NCS1: variants seen among roughly 807,000 people sequenced by gnomAD.
NCS1 encodes the protein frequenin homolog.
NCS1 carries 6 observed loss-of-function variants against 28.4 expected under a neutral mutation model. The observed-to-expected ratio is 0.21, with a 90% CI of 0.12 to 0.42. The LOEUF is 0.42. Ranked by LOEUF, NCS1 falls within the 10% of genes least tolerant of loss-of-function variation. The pLI is 1.00. For synonymous variants in NCS1, 86 were observed against 99.3 expected (o/e 0.87, Z 0.79); for missense variants, 131 against 241.4 (o/e 0.54, Z 3.03).
intron 1 of NCS1, chr9:130,200,732 C>T: frequency 1.4e-6 from 2 of 1,466,642 alleles, no homozygotes; most frequent in South Asian, 2.4e-5. Context: ...AGCACTTGGG[C>T]ACCGGGAAGG....
intron 4 of NCS1, among the ~76,000 whole-genome samples, chr9:130,221,399 T>TAG (rs1286299307): frequency 1.5e-3 from 74 of 49,964 alleles, no homozygotes; most frequent in Non-Finnish European, 2.1e-3. Flanking sequence ...TATATATATA[T>TAG]ATATATATAT....
rs1378527742 is a variant in NCS1, at chr9:130,192,101, G to C, written c.65-8857G>C. On this transcript the variant is annotated intron_variant, in intron 1 of 7. Coordinates refer to ENST00000372398, the MANE Select transcript of NCS1 (RefSeq NM_014286.4). This position sits in a 1 kb window ranked among gnomAD's most constrained non-coding sequence, Gnocchi z 4.8. Reference sequence around the variant, plus strand: ...GGGGCAGCTCAGGCCTGGTGCTGGGGCCCAGCTGCCCTTTAGCCAGGCAGT... The same window carrying C: ...GGGGCAGCTCAGGCCTGGTGCTGGGCCCCAGCTGCCCTTTAGCCAGGCAGT... 6.6e-6 allele frequency among the ~76,000 whole-genome samples: 1 copy of C among 152,158 alleles called. No homozygotes were observed. The highest frequency in any genetic ancestry group is 2.4e-5 in the African/African-American group (1 of 41,440).
At chr9:130,176,168 T>TTCTTTCTC (rs1832564552) in intron 1 of NCS1, among the ~76,000 whole-genome samples, 1 of 67,406 alleles carries the variant, frequency 1.5e-5, no homozygotes, top group African/African-American at 1.2e-4. Context: ...CTTTCTTTCT[T>TTCTTTCTC]TCTTTCTTTC....
At chr9:130,187,138 G>C (rs1458513956) in intron 1 of NCS1, among the ~76,000 whole-genome samples, 1 of 152,162 alleles carries the variant, frequency 6.6e-6, no homozygotes, top group South Asian at 2.1e-4. Context: ...TCGGAAAGCA[G>C]GGGAGCAATG....
chr9:130,213,352 A>G (rs1045884191), intron 2 of NCS1, among the ~76,000 whole-genome samples: 7 of 151,706 alleles, frequency 4.6e-5, no homozygotes, highest in African/African-American at 1.7e-4. Context: ...ATCTCGGCTC[A>G]CTGCAAGCTC....
At chr9:130,214,693 C>CA (rs1319630258) in intron 2 of NCS1, among the ~76,000 whole-genome samples, 1 of 152,168 alleles carries the variant, frequency 6.6e-6, no homozygotes, top group Non-Finnish European at 1.5e-5. Context: ...GAAGAGGGCT[C>CA]AGAGGAGCCT....
chr9:130,200,500 C>G lies in NCS1; in HGVS notation c.65-458C>G, dbSNP rs74428645. The G allele has an allele frequency of 8.5e-4, 1,224 of 1,443,378 alleles. 11 individuals carry two copies. The East Asian group carries it at 0.015, about 18-fold the overall frequency. The allele number at this position is 1,443,378 out of a possible 1,614,324, so 89.4% of individuals were successfully genotyped here. On this transcript the variant is annotated intron_variant, in intron 1 of 7. Transcript: ENST00000372398. ...GTCCACCCTTCTGCTGAGAGCTGCC[C>G]CTTTTCAGCCTAGCTCCCCCCACCC...
At chr9:130,211,105 G>T (rs1437367516) in intron 2 of NCS1, among the ~76,000 whole-genome samples, 12 of 139,992 alleles carry the variant, frequency 8.6e-5, no homozygotes, top group Non-Finnish European at 9.0e-5. Context: ...CTCCTGCTTC[G>T]GCCTCCCAAA....
chr9:130,183,913 C>A (rs1832705942), intron 1 of NCS1, among the ~76,000 whole-genome samples: 1 of 151,602 alleles, frequency 6.6e-6, no homozygotes, highest in African/African-American at 2.4e-5. Context: ...GGGTTCACGC[C>A]ATTCTCTGGC....
intron 2 of NCS1, among the ~76,000 whole-genome samples, chr9:130,205,243 C>T (rs1289649726): frequency 1.3e-5 from 2 of 151,874 alleles, no homozygotes; most frequent in African/African-American, 4.8e-5. Context: ...GAGGGGGACA[C>T]GAGCCTGGCG....
In NCS1 at chr9:130,233,614, T is replaced by G. The variant is rs1313515304; in HGVS notation, c.*642T>G. 2 of 34,768 alleles carry G rather than the reference T, an allele frequency of 5.8e-5. No homozygotes were observed. The highest frequency in any genetic ancestry group is 1.3e-4 in the African/African-American group (2 of 15,374). 2.2% of individuals were successfully genotyped at this position (34,768 alleles called of 1,614,324 possible). On this transcript the variant is annotated 3_prime_UTR_variant, in exon 8 of 8. Transcript: ENST00000372398. The surrounding 1 kb of genome is among the most constrained non-coding windows in gnomAD (Gnocchi z 4.8). The stretch of plus-strand genomic sequence containing the variant: ...TGTGCTTTTTGTGGGGAAAGTGAGG[T>G]TTTTTTTTATATACATATATAATTG...
At position 130,181,259 on chromosome 9, in the gene NCS1, G is replaced by A. The variant is rs1287732327; in HGVS notation, c.64+8532G>A. 1.3e-5 allele frequency among the ~76,000 whole-genome samples: 2 copies of A among 152,266 alleles called. No individual in the cohort carries two copies. The highest frequency in any genetic ancestry group is 2.4e-5 in the African/African-American group (1 of 41,536). ...CGATACCTTAGTTTTCTTATCTGGG[G>A]GTTGGGGATAAGGGACTTCTACTAC... On this transcript the variant is annotated intron_variant, in intron 1 of 7. Coordinates refer to ENST00000372398, the MANE Select transcript of NCS1 (RefSeq NM_014286.4). This position sits in a 1 kb window ranked among gnomAD's most constrained non-coding sequence, Gnocchi z 5.0.
chr9:130,231,297 A>G (rs1344520581), intron 7 of NCS1, among the ~76,000 whole-genome samples: 4 of 152,110 alleles, frequency 2.6e-5, no homozygotes, highest in Non-Finnish European at 5.9e-5. Context: ...GGCTGCAGTA[A>G]GCTGAGATTG....
At chr9:130,214,371 T>C (rs540664953) in intron 2 of NCS1, among the ~76,000 whole-genome samples, 2 of 152,198 alleles carry the variant, frequency 1.3e-5, no homozygotes, top group South Asian at 2.1e-4. Context: ...ACTCTTGCAA[T>C]AGGTGTCAGG....
intron 4 of NCS1, among the ~76,000 whole-genome samples, chr9:130,220,820 A>G (rs1239029211): frequency 6.8e-6 from 1 of 148,038 alleles, no homozygotes; most frequent in Non-Finnish European, 1.5e-5. Context: ...TCAATGCACT[A>G]TTTTATTTTC....
intron 2 of NCS1, among the ~76,000 whole-genome samples, chr9:130,213,646 C>T (rs1038703401): frequency 4.6e-5 from 7 of 151,728 alleles, no homozygotes; most frequent in Admixed American, 3.3e-4. Context: ...AGTGCAGTGG[C>T]GTGATCTCGG....
At chr9:130,229,636 C>T (rs1833471253) in intron 7 of NCS1, among the ~76,000 whole-genome samples, 1 of 152,158 alleles carries the variant, frequency 6.6e-6, no homozygotes, top group Non-Finnish European at 1.5e-5. Flanking sequence ...TTTTCACAGT[C>T]CTCTTTTGCA....
intron 1 of NCS1, among the ~76,000 whole-genome samples, chr9:130,184,265 G>T (rs1188983287): frequency 1.3e-5 from 2 of 152,172 alleles, no homozygotes; most frequent in Non-Finnish European, 2.9e-5. Context: ...GCTGAGCCAA[G>T]ATGGCTTTTC....
At chr9:130,221,357 T>G (rs868915542) in intron 4 of NCS1, among the ~76,000 whole-genome samples, 3 of 128,896 alleles carry the variant, frequency 2.3e-5, no homozygotes, top group Non-Finnish European at 4.9e-5. Context: ...TATAAAATAT[T>G]TAATATATAT....
Sources: gnomAD v4.1 joint callset for allele counts (sites outside exome capture counted in the v4.1 genomes callset) on GRCh38, gnomAD v4.1.1 for gene constraint, Gnocchi (gnomAD v3.1) non-coding constraint, MANE v1.5 for transcripts, NCBI Gene and HGNC (gene_info 2026-07-23, HGNC 2026-07-21) for gene names.